The following RIF1 variants were observed in gnomAD, a reference collection of about 807,000 sequenced individuals.
The protein encoded by RIF1 is telomere-associated protein RIF1.
A neutral mutation model predicts 247.1 loss-of-function variants in RIF1; 45 were observed. The ratio of observed to expected loss-of-function variants is 0.18; its 90% CI spans 0.14 to 0.23. RIF1 has a LOEUF of 0.23. Among genes scored for constraint, RIF1 ranks in the 10% least tolerant of loss-of-function variants. The pLI is 1.00. For synonymous variants in RIF1, 1,087 were observed against 978.8 expected (o/e 1.11, Z -2.06); for missense variants, 2,967 against 2,862.5 (o/e 1.04, Z -0.83).
chr2:151,508,514 G>A (rs1041177250), downstream of RIF1, among the ~76,000 whole-genome samples: 4 of 152,210 alleles, frequency 2.6e-5, no homozygotes, highest in African/African-American at 9.7e-5. Flanking sequence ...GAGAGAAGCT[G>A]GAGGGTTAAG....
chr2:151,531,609 G>A, the RIF1 span, among the ~76,000 whole-genome samples: 1 of 152,098 alleles, frequency 6.6e-6, no homozygotes, highest in Non-Finnish European at 1.5e-5. Context: ...AAGCCACCAC[G>A]CCCGGCCACA....
chr2:151,410,535 C>G lies in RIF1; in HGVS notation c.104+8C>G, dbSNP rs1685961712. ...TTACCTGACTCTGACCAGGTGAGGT[C>G]CGCCACGGGGCGTAGCGGAGAGTGG... On this transcript the variant is annotated splice_region_variant and intron_variant, in intron 2 of 35. Coordinates refer to ENST00000444746, the MANE Select transcript of RIF1 (RefSeq NM_018151.5). 6.2e-7 allele frequency: 1 copy of G among 1,609,336 alleles called. No individual in the cohort carries two copies.
chr2:151,482,367 A>G (rs1254888048), downstream of RIF1, among the ~76,000 whole-genome samples: 3 of 151,882 alleles, frequency 2.0e-5, no homozygotes, highest in Non-Finnish European at 2.9e-5. Flanking sequence ...TGATTTATGC[A>G]TAGTTTTATG....
At chr2:151,442,371 C>A in intron 16 of RIF1, among the ~76,000 whole-genome samples, 1 of 146,214 alleles carries the variant, frequency 6.8e-6, no homozygotes, top group African/African-American at 2.5e-5. Flanking sequence ...CTGTGCCCAG[C>A]ATATTTCCCT....
intron 12 of RIF1, 63 bp downstream of exon 12, chr2:151,437,066 G>A: frequency 2.9e-6 from 4 of 1,384,280 alleles, no homozygotes; most frequent in Non-Finnish European, 4.0e-6. Flanking sequence ...ATGCATTGGG[G>A]TGAGGAGAGG....
the RIF1 span, among the ~76,000 whole-genome samples, chr2:151,521,855 T>C: frequency 6.6e-6 from 1 of 152,236 alleles, no homozygotes; most frequent in African/African-American, 2.4e-5. Context: ...TTCAGCACTT[T>C]TGGCCTTCCT....
At chr2:151,495,190 A>ACAT (rs1352587535) in intron 9 of RIF1, 1 of 152,228 alleles carries the variant, frequency 6.6e-6, no homozygotes, top group Non-Finnish European at 1.5e-5. Context: ...ACATAGTAAC[A>ACAT]CATCATGATA....
chr2:151,443,409 G>GT (rs1373890262), intron 17 of RIF1, 80 bp downstream of exon 17: 14 of 1,308,360 alleles, frequency 1.1e-5, no homozygotes, highest in Middle Eastern at 1.9e-4. Context: ...TATTTCATAA[G>GT]TTTAAGTTTT....
intron 6 of RIF1, among the ~76,000 whole-genome samples, chr2:151,418,407 G>A (rs967191090): frequency 4.6e-5 from 7 of 152,138 alleles, no homozygotes; most frequent in African/African-American, 1.4e-4. Flanking sequence ...GTTTTGCCAC[G>A]TTGGCCAGTC....
chr2:151,473,920 G>T (rs755622751), intron 34 of RIF1, 44 bp from the exon 35 acceptor site: 45 of 935,838 alleles, frequency 4.8e-5, no homozygotes, highest in Non-Finnish European at 7.6e-5. Flanking sequence ...TCAATTTGTT[G>T]TTGTTGTTGT....
intron 4 of RIF1, among the ~76,000 whole-genome samples, chr2:151,415,701 C>G (rs1409840637): frequency 1.3e-5 from 2 of 151,654 alleles, no homozygotes; most frequent in Non-Finnish European, 2.9e-5. Flanking sequence ...TGGAGAAACC[C>G]CGTCTCTACT....
At chr2:151,431,532 G>A (rs1012840504) in intron 9 of RIF1, among the ~76,000 whole-genome samples, 9 of 152,168 alleles carry the variant, frequency 5.9e-5, no homozygotes, top group African/African-American at 1.9e-4. Context: ...GGTGGCTCAC[G>A]CCTGTAATCC....
chr2:151,457,090 T>G (rs1173661735), intron 23 of RIF1, among the ~76,000 whole-genome samples: 3 of 151,938 alleles, frequency 2.0e-5, no homozygotes, highest in African/African-American at 7.3e-5. Flanking sequence ...TTATAGGGTT[T>G]TTTTTTTTTT....
At chr2:151,471,906 G>GA (rs1487665480) in intron 34 of RIF1, among the ~76,000 whole-genome samples, 2 of 152,144 alleles carry the variant, frequency 1.3e-5, no homozygotes, top group African/African-American at 2.4e-5. Flanking sequence ...ATTCTGTGAA[G>GA]AAAGTCCTTG....
At chr2:151,424,011 T>G (rs1205463588) in intron 8 of RIF1, among the ~76,000 whole-genome samples, 2 of 152,098 alleles carry the variant, frequency 1.3e-5, no homozygotes, top group Non-Finnish European at 2.9e-5. Context: ...TTCTACTTCC[T>G]GTCTCTGAAT....
At chr2:151,448,664 GTTTA>G (rs1693742907) in intron 20 of RIF1, among the ~76,000 whole-genome samples, 1 of 152,096 alleles carries the variant, frequency 6.6e-6, no homozygotes, top group Admixed American at 6.5e-5. Flanking sequence ...AATCGCGCTT[GTTTA>G]TTTTTGTTGT....
Position 151,477,000 on chromosome 2 carries a change from A to G in RIF1, c.*1929A>G, listed in dbSNP as rs2048961037. On this transcript the variant is annotated 3_prime_UTR_variant, in exon 36 of 36. Coordinates refer to ENST00000444746, the MANE Select transcript of RIF1 (RefSeq NM_018151.5). ...CCGAACAGTAATAGCAGAAAATGTG[A>G]CCAAATGAGTATCATGTACTTAAAT... The G allele has an allele frequency of 6.6e-6, 1 of 152,252 alleles. No homozygotes were observed. The highest frequency in any genetic ancestry group is 2.4e-5 in the African/African-American group (1 of 41,468). 9.4% of individuals were successfully genotyped at this position (152,252 alleles called of 1,614,324 possible). A position where few individuals can be genotyped will look rare whatever the true frequency, so the allele number is the denominator to read the frequency against.
Position 151,464,504 on chromosome 2 carries a change from T to G in RIF1, c.4984T>G (p.Tyr1662Asp), listed in dbSNP as rs768168366. The G allele has an allele frequency of 6.2e-7, 1 of 1,612,640 alleles. No individual in the cohort carries two copies. Among genetic ancestry groups the G allele is most frequent in the Admixed American group, 1.7e-5 (1 of 59,734 alleles). ...AAATGAAACTAGCAAATATGCAGAATATTCCTTTACAAGTCTACCTGTGCC... is the reference window on the plus strand; with the variant it reads ...AAATGAAACTAGCAAATATGCAGAAGATTCCTTTACAAGTCTACCTGTGCC... Reference protein sequence around the residue: ...EKNETSKYAEYSFTSLPVPES... With the variant: ...EKNETSKYAEDSFTSLPVPES... Residue 1662 changes from tyrosine to aspartate, a missense_variant, in exon 30 of 36, where the codon TAT becomes GAT. Transcript: ENST00000444746.
chr2:151,448,131 A>G (rs552966051), intron 20 of RIF1, among the ~76,000 whole-genome samples: 5 of 151,826 alleles, frequency 3.3e-5, no homozygotes, highest in South Asian at 2.1e-4. Context: ...TGGGCTCACT[A>G]TGACCTCTGC....
Sources: allele counts gnomAD v4.1 joint callset (sites outside exome capture counted in the v4.1 genomes callset), GRCh38; gene constraint gnomAD v4.1.1; transcripts MANE v1.5; gene names NCBI Gene and HGNC (gene_info 2026-07-23, HGNC 2026-07-21).